Variants in TMC4 observed in about 807,000 individuals in gnomAD.
The protein encoded by TMC4 is voltage-gated chloride channel TMC4.
In TMC4, 70 loss-of-function variants were observed where a neutral mutation model predicts 82.0. The observed-to-expected ratio is 0.85, with a 90% CI of 0.70 to 1.04. TMC4 has a LOEUF of 1.04. Among genes scored for constraint, TMC4 ranks in the 50% least tolerant of loss-of-function variants. The pLI is 0.00. For missense variants in TMC4, 879 were observed against 899.0 expected (o/e 0.98, Z 0.28); for synonymous variants, 446 against 406.0 (o/e 1.10, Z -1.18).
chr19:54,167,845 G>A (rs1450267870), intron 5 of TMC4, among the ~76,000 whole-genome samples: 2 of 151,470 alleles, frequency 1.3e-5, no homozygotes, highest in African/African-American at 2.4e-5. Context: ...GGTGGATCAC[G>A]AGGTCAGCAG....
intron 11 of TMC4, 43 bp from the exon 12 acceptor site, chr19:54,161,303 A>C: frequency 3.7e-6 from 5 of 1,355,060 alleles, no homozygotes; most frequent in Non-Finnish European, 4.8e-6. Context: ...GAAACACAAG[A>C]GTCTGTGCCT....
chr19:54,161,990 C>T, intron 11 of TMC4, 112 bp downstream of exon 11: 2 of 930,808 alleles, frequency 2.1e-6, no homozygotes, highest in Non-Finnish European at 3.2e-6. Flanking sequence ...CCAACCCCCT[C>T]CTCTCTCAGG....
At chr19:54,170,642 G>C (rs1256015698) in intron 2 of TMC4, among the ~76,000 whole-genome samples, 1 of 151,784 alleles carries the variant, frequency 6.6e-6, no homozygotes, top group Non-Finnish European at 1.5e-5. Context: ...ATTTTTATCT[G>C]ATTTTTACAG....
At position 54,164,455 on chromosome 19, in the gene TMC4, C is replaced by T. The variant is rs1486685428; in HGVS notation, c.1092G>A (p.Thr364=). 1.9e-6 allele frequency: 3 copies of T among 1,613,636 alleles called. No individual in the cohort carries two copies. Among genetic ancestry groups the T allele is most frequent in the African/African-American group, 1.3e-5 (1 of 74,984 alleles). ...GCACCTGCAGCTCCACGGTGCACCC[C>T]GTAGCCCAGTAGACGCCATAGAAGG... ...GAAFYGVYWA[T]GCTVELQEMP... The change falls in exon 7 of 15, where the codon ACG becomes ACA. Residue 364 remains threonine, a synonymous_variant. Transcript: ENST00000619895.
chr19:54,162,691 A>G lies in TMC4; in HGVS notation c.1484T>C (p.Leu495Pro). 4 of 1,613,986 alleles carry G rather than the reference A, an allele frequency of 2.5e-6. No individual in the cohort carries two copies. Among genetic ancestry groups the G allele is most frequent in the Non-Finnish European group, 3.4e-6 (4 of 1,179,990 alleles). ...CTCTCACTTTCTAGGAAACTGGATG[A>G]GCAGCGCGACTGCCAAGACAGTCAG... ...DLLTVLAVAL[L>P]IQFPRKLLCG... The change falls in exon 10 of 15, where the codon CTC (leucine) becomes CCC (proline). Residue 495 changes from leucine (L) to proline (P), a missense_variant. By Grantham distance (98) the Leu-to-Pro change is moderately conservative. Transcript: ENST00000619895.
At position 54,160,130 on chromosome 19, in the gene TMC4, T is replaced by C. The variant is rs1021318626; in HGVS notation, c.*176A>G. The C allele has an allele frequency of 4.5e-6, 3 of 672,674 alleles. No homozygotes were observed. The highest frequency in any genetic ancestry group is 3.0e-5 in the South Asian group (1 of 32,948). The allele number at this position is 672,674 out of a possible 1,614,324, so 41.7% of individuals were successfully genotyped here. On this transcript the variant is annotated 3_prime_UTR_variant, in exon 15 of 15. Transcript: ENST00000619895. Reference sequence around the variant, plus strand: ...CGCTCAGCAACCTCGGCTGTATTTATTGATACAAGGAAGATCACCCGAGAG... The same window carrying C: ...CGCTCAGCAACCTCGGCTGTATTTACTGATACAAGGAAGATCACCCGAGAG...
chr19:54,172,105 G>A, intron 1 of TMC4, 22 bp from the exon 2 acceptor site: 2 of 1,514,808 alleles, frequency 1.3e-6, no homozygotes, highest in South Asian at 1.3e-5. Flanking sequence ...CAGGGGGCTG[G>A]GAAGACCCGG....
At chr19:54,166,010 C>T (rs1037699182) in intron 5 of TMC4, among the ~76,000 whole-genome samples, 1 of 152,140 alleles carries the variant, frequency 6.6e-6, no homozygotes, top group Non-Finnish European at 1.5e-5. Context: ...AGTACAGGCA[C>T]ACAGAGAAGG....
In TMC4 at chr19:54,160,937, C is replaced by A. The variant is rs2075530362; in HGVS notation, c.1914G>T (p.Gln638His). The change falls in exon 13 of 15, where the codon CAG becomes CAT. Residue 638 changes from glutamine (Q) to histidine (H), a missense_variant. Gln to His is a conservative substitution (Grantham distance 24, BLOSUM62 0). Coordinates refer to ENST00000619895, the MANE Select transcript of TMC4 (RefSeq NM_144686.4). ...ESISSLPETTQNFLFFLGTQA... is the reference protein window; with the variant it reads ...ESISSLPETTHNFLFFLGTQA... ...GGGTCCCCAGGAAGAAGAGGAAATTCTGGGTGGTCTCAGGGAGGCTGGAAA... is the reference window on the plus strand; with the variant it reads ...GGGTCCCCAGGAAGAAGAGGAAATTATGGGTGGTCTCAGGGAGGCTGGAAA... 2 of 1,614,146 alleles carry A rather than the reference C, an allele frequency of 1.2e-6. No homozygotes were observed.
rs780933479 is a variant in TMC4 at position 54,168,250 on chromosome 19, G to C, written c.718C>G (p.Pro240Ala). The C allele has an allele frequency of 4.5e-6, 7 of 1,564,018 alleles. No individual in the cohort carries two copies. The South Asian group carries it at 7.0e-5, about 16-fold the overall frequency. Residue 240 changes from proline (P) to alanine (A), a missense_variant, in exon 5 of 15, where the codon CCC becomes GCC. Pro to Ala is a conservative substitution (Grantham distance 27). Transcript: ENST00000619895. The part of the protein sequence containing the change: ...WSPLFYGFYP[P>A]RPRLAVTYLC... The stretch of plus-strand genomic sequence containing the variant: ...TAGGTGACCGCCAGGCGTGGGCGGG[G>C]CGGGTAGAAGCCATAGAAGAGAGGG...
chr19:54,169,461 A>C (rs1177775717), intron 3 of TMC4, 51 bp downstream of exon 3: 10 of 1,555,838 alleles, frequency 6.4e-6, no homozygotes, highest in African/African-American at 1.4e-5. Context: ...CCTCCCTCAG[A>C]CCCAGGAGTC....
chr19:54,164,977 C>G (rs1036262462), intron 6 of TMC4, among the ~76,000 whole-genome samples: 7 of 152,012 alleles, frequency 4.6e-5, no homozygotes, highest in Admixed American at 3.9e-4. Context: ...TCAGCTGTAT[C>G]AAGACGCCCT....
In TMC4 at chr19:54,168,556, G is replaced by C. The variant is rs774220677; in HGVS notation, c.567C>G (p.Pro189=). ...TLLPTWLGGA[P]PGPPGPDISS... Reference sequence around the variant, plus strand: ...AGATGTCGGGGCCGGGAGGGCCTGGGGGAGCGCCTCCCAACCAGGTGGGCA... The same window carrying C: ...AGATGTCGGGGCCGGGAGGGCCTGGCGGAGCGCCTCCCAACCAGGTGGGCA... Residue 189 remains proline, a synonymous_variant, in exon 4 of 15, where the codon CCC becomes CCG. Transcript: ENST00000619895. 2.5e-6 allele frequency: 4 copies of C among 1,571,370 alleles called. No homozygotes were observed. The highest frequency in any genetic ancestry group is 2.3e-5 in the South Asian group (2 of 85,452).
chr19:54,164,718 C>T lies in TMC4; in HGVS notation c.946-117G>A, dbSNP rs371229932. ...ACGTGAACTGATGCAGCCGTCTCCCCACCCGCTAACAACCTCTGCAGTCCT... is the reference window on the plus strand; with the variant it reads ...ACGTGAACTGATGCAGCCGTCTCCCTACCCGCTAACAACCTCTGCAGTCCT... On this transcript the variant is annotated intron_variant, in intron 6 of 14. Coordinates refer to ENST00000619895, the MANE Select transcript of TMC4 (RefSeq NM_144686.4). 6 of 1,338,782 alleles carry T rather than the reference C, an allele frequency of 4.5e-6. No homozygotes were observed. The African/African-American group carries it at 5.7e-5, about 13-fold the overall frequency. 82.9% of individuals were successfully genotyped at this position (1,338,782 alleles called of 1,614,324 possible).
At position 54,160,244 on chromosome 19, in the gene TMC4, G is replaced by T; in HGVS notation, c.*62C>A. The T allele has an allele frequency of 6.8e-7, 1 of 1,466,170 alleles. No individual in the cohort carries two copies. The highest frequency in any genetic ancestry group is 1.5e-5 in the South Asian group (1 of 67,590). The allele number at this position is 1,466,170 out of a possible 1,614,324, so 90.8% of individuals were successfully genotyped here. ...TCTTCTCCAGTTCTCCTAGTTTACA[G>T]ATGTTGTGACCTAGGCTTACAATGG... is the stretch of plus-strand genomic sequence containing the variant. On this transcript the variant is annotated 3_prime_UTR_variant, in exon 15 of 15. Transcript: ENST00000619895.
rs2146938829 is a variant in TMC4 at position 54,173,151 on chromosome 19, G to A, written c.-34C>T. ...GCTGGGCTGTCTCTAGTGGCCACCA[G>A]GCAGACACTGCCCCAGGTAAGGGAG... On this transcript the variant is annotated 5_prime_UTR_variant, in exon 1 of 15. Transcript: ENST00000619895. The A allele has an allele frequency of 6.2e-7, 1 of 1,602,556 alleles. No homozygotes were observed. Among genetic ancestry groups the A allele is most frequent in the East Asian group, 2.2e-5 (1 of 44,724 alleles).
At chr19:54,162,051 C>T in intron 11 of TMC4, 51 bp downstream of exon 11, 2 of 1,501,656 alleles carry the variant, frequency 1.3e-6, no homozygotes, top group South Asian at 1.2e-5. Flanking sequence ...CCCAGGAGTG[C>T]GGGCCCCAAT....
In TMC4 at chr19:54,171,923, G is replaced by T; in HGVS notation, c.240C>A (p.Asp80Glu). The change falls in exon 2 of 15, where the codon GAC becomes GAA. Residue 80 changes from aspartate to glutamate, a missense_variant. Coordinates refer to ENST00000619895, the MANE Select transcript of TMC4 (RefSeq NM_144686.4). ...FTEVTQTELQ[D>E]PHPSRELPWP... is the part of the protein sequence containing the mutation. ...AGGGCAGTTCCCGGGAAGGGTGAGG[G>T]TCCTGCAGCTCTGTCTGGGTGACTT... 1 of 1,613,512 alleles carries T rather than the reference G, an allele frequency of 6.2e-7. No individual in the cohort carries two copies. Among genetic ancestry groups the T allele is most frequent in the East Asian group, 2.2e-5 (1 of 44,864 alleles).
chr19:54,172,765 G>A (rs2075940002), intron 1 of TMC4: 1 of 417,214 alleles, frequency 2.4e-6, no homozygotes, highest in Admixed American at 4.2e-5. Context: ...TAGCTCAGGA[G>A]TGTGGGAACC....
Sources: gnomAD v4.1 joint callset for allele counts (sites outside exome capture counted in the v4.1 genomes callset) on GRCh38, gnomAD v4.1.1 for gene constraint, MANE v1.5 for transcripts, NCBI Gene and HGNC (gene_info 2026-07-23, HGNC 2026-07-21) for gene names.